The following PI4KB variants were observed in gnomAD, a reference collection of about 807,000 sequenced individuals.
PI4KB encodes PtdIns 4-kinase beta.
A neutral mutation model predicts 81.4 loss-of-function variants in PI4KB; 23 were observed. That is an observed-to-expected ratio of 0.28 (90% confidence interval 0.20 to 0.40). The LOEUF (loss-of-function observed/expected upper bound fraction) is 0.40, where lower values mean the gene tolerates loss of function less well. PI4KB is among the 10% of genes least tolerant of loss of function. The pLI is 1.00. For synonymous variants in PI4KB, 381 were observed against 406.8 expected (o/e 0.94, Z 0.76); for missense variants, 651 against 1,036.6 (o/e 0.63, Z 5.11).
intron 1 of PI4KB, among the ~76,000 whole-genome samples, chr1:151,323,492 G>A (rs1429192561): frequency 6.6e-6 from 1 of 151,612 alleles, no homozygotes; most frequent in Non-Finnish European, 1.5e-5. Context: ...GGAGGCCGGG[G>A]TGGGTGGATC....
Position 151,292,699 on chromosome 1 carries a change from G to A in PI4KB, c.*153C>T, listed in dbSNP as rs1043671425. The A allele has an allele frequency of 9.9e-6, 7 of 708,320 alleles. No individual in the cohort carries two copies. The highest frequency in any genetic ancestry group is 1.4e-5 in the Non-Finnish European group (6 of 435,590). 43.9% of individuals were successfully genotyped at this position (708,320 alleles called of 1,614,324 possible). ...CTCTCCCACCCCTCAGCAAGCTCTC[G>A]CAGTTACCACATGATCCTTCGTGTT... On this transcript the variant is annotated 3_prime_UTR_variant, in exon 12 of 12. Coordinates refer to ENST00000368873, the MANE Select transcript of PI4KB (RefSeq NM_001369623.2).
chr1:151,307,782 T>TCAGGAGCCA lies in PI4KB; in HGVS notation c.965_973dup (p.Pro324_Glu325insValAlaPro), dbSNP rs984158593. ...CATCAGGGACTTGATGAATTCTCTCTCAGGAGCCAGTCGAACAGGCTACAG... is the reference window on the plus strand; with the variant it reads ...CATCAGGGACTTGATGAATTCTCTCTCAGGAGCCACAGGAGCCAGTCGAACAGGCTACAG... On this transcript the variant is annotated inframe_insertion, in exon 4 of 12. Coordinates refer to ENST00000368873, the MANE Select transcript of PI4KB (RefSeq NM_001369623.2). 1 of 1,613,922 alleles carries TCAGGAGCCA rather than the reference T, an allele frequency of 6.2e-7. No homozygotes were observed. Among genetic ancestry groups the TCAGGAGCCA allele is most frequent in the African/African-American group, 1.3e-5 (1 of 74,990 alleles).
At chr1:151,294,163 T>C in intron 10 of PI4KB, 25 bp from the exon 11 acceptor site, 1 of 1,605,030 alleles carries the variant, frequency 6.2e-7, no homozygotes, top group Non-Finnish European at 8.5e-7. Flanking sequence ...GAGCGTTGTG[T>C]GCACAAGGGG....
intron 4 of PI4KB, 89 bp from the exon 5 acceptor site, chr1:151,306,452 C>T (rs1695766701): frequency 1.2e-6 from 1 of 800,366 alleles, no homozygotes; most frequent in Admixed American, 2.0e-5. Context: ...TCCTGCTGTC[C>T]TTTCTCCTAG....
At chr1:151,306,027 G>C (rs970135096) in intron 5 of PI4KB, 109 bp downstream of exon 5, 3 of 787,482 alleles carry the variant, frequency 3.8e-6, no homozygotes, top group Non-Finnish European at 4.2e-6. Context: ...CCACTCATTA[G>C]GATACTTGCC....
At chr1:151,314,462 C>G (rs587645862) in intron 2 of PI4KB, among the ~76,000 whole-genome samples, 2 of 152,176 alleles carry the variant, frequency 1.3e-5, no homozygotes, top group Non-Finnish European at 2.9e-5. Context: ...GTGGGTATAA[C>G]CTATTCATGT....
At chr1:151,295,263 C>G (rs1425545447) in intron 9 of PI4KB, among the ~76,000 whole-genome samples, 2 of 152,212 alleles carry the variant, frequency 1.3e-5, no homozygotes, top group Non-Finnish European at 2.9e-5. Flanking sequence ...AACTGGCCTA[C>G]TCAGTGTCAA....
intron 8 of PI4KB, among the ~76,000 whole-genome samples, chr1:151,300,454 A>G (rs587652239): frequency 2.0e-5 from 3 of 152,194 alleles, no homozygotes; most frequent in African/African-American, 7.2e-5. Context: ...TAAAAATACA[A>G]AATTAGCCGG....
chr1:151,306,039 T>C lies in PI4KB; in HGVS notation c.1410+97A>G, dbSNP rs1337529671. 6 of 974,434 alleles carry C rather than the reference T, an allele frequency of 6.2e-6. No individual in the cohort carries two copies. In the East Asian group the frequency reaches 1.2e-4, roughly 20 times the overall value. The allele number at this position is 974,434 out of a possible 1,614,324, so 60.4% of individuals were successfully genotyped here. On this transcript the variant is annotated intron_variant, in intron 5 of 11. Coordinates refer to ENST00000368873, the MANE Select transcript of PI4KB (RefSeq NM_001369623.2). ...ACACCACTCATTAGGATACTTGCCT[T>C]ACCCTGCCTTGGGATATGCTGTCTT...
At chr1:151,294,369 T>G (rs377169682) in intron 10 of PI4KB, 40 bp downstream of exon 10, 21 of 1,605,678 alleles carry the variant, frequency 1.3e-5, no homozygotes, top group Non-Finnish European at 3.4e-6. Flanking sequence ...AGAGAAAGAA[T>G]ACAATGACCC....
chr1:151,313,762 A>C (rs1274697119), intron 2 of PI4KB, among the ~76,000 whole-genome samples: 1 of 152,278 alleles, frequency 6.6e-6, no homozygotes, highest in Non-Finnish European at 1.5e-5. Context: ...GTGGAAGCTC[A>C]GATGGCCATA....
At chr1:151,293,814 T>C in intron 11 of PI4KB, 1 of 555,200 alleles carries the variant, frequency 1.8e-6, no homozygotes, top group Non-Finnish European at 3.1e-6. Flanking sequence ...TGCTATCCCC[T>C]TCCCCAGCCT....
chr1:151,319,046 C>T (rs1477818145), intron 1 of PI4KB, among the ~76,000 whole-genome samples: 2 of 152,228 alleles, frequency 1.3e-5, no homozygotes, highest in African/African-American at 4.8e-5. Context: ...AAATGTGCAA[C>T]TTATGCAAGC....
At chr1:151,313,130 C>T (rs1024811861) in intron 2 of PI4KB, among the ~76,000 whole-genome samples, 5 of 152,194 alleles carry the variant, frequency 3.3e-5, no homozygotes, top group African/African-American at 1.2e-4. Flanking sequence ...GCTGACGACT[C>T]TAATGCTTAG....
At chr1:151,309,382 G>T (rs892685663) in intron 3 of PI4KB, among the ~76,000 whole-genome samples, 3 of 152,116 alleles carry the variant, frequency 2.0e-5, no homozygotes, top group Admixed American at 6.5e-5. Flanking sequence ...CAGGCCTCAA[G>T]AGAGAGGCTC....
intron 11 of PI4KB, chr1:151,293,242 G>C: frequency 1.0e-6 from 1 of 985,334 alleles, no homozygotes; most frequent in South Asian, 4.7e-5. Flanking sequence ...GTAGGTGAGG[G>C]CATGTGGGCA....
At position 151,315,624 on chromosome 1, in the gene PI4KB, G is replaced by A; in HGVS notation, c.858C>T (p.Ser286=). The A allele has an allele frequency of 6.2e-7, 1 of 1,614,116 alleles. No homozygotes were observed. The highest frequency in any genetic ancestry group is 8.5e-7 in the Non-Finnish European group (1 of 1,180,024). ...TGCTGGCTGTTCGTTTCAGGTTGCT[G>A]CTGAGACTTATGCTGGCAGTGGCAT... The part of the protein sequence containing the change: ...KSDATASISL[S]SNLKRTASNP... Residue 286 remains serine, a synonymous_variant, in exon 2 of 12, where the codon AGC becomes AGT. Transcript: ENST00000368873.
Position 151,318,144 on chromosome 1 carries a change from C to T in PI4KB, c.-28-1635G>A, listed in dbSNP as rs563871709. Reference sequence around the variant, plus strand: ...ATTTAATATTAAAGTCTTGGCTAGGCGCAGTGGCTCACGCCTGTAATCCCA... The same window carrying T: ...ATTTAATATTAAAGTCTTGGCTAGGTGCAGTGGCTCACGCCTGTAATCCCA... On this transcript the variant is annotated intron_variant, in intron 1 of 11. Coordinates refer to ENST00000368873, the MANE Select transcript of PI4KB (RefSeq NM_001369623.2). Among the ~76,000 whole-genome samples the T allele has an allele frequency of 5.7e-3, 872 of 152,244 alleles. 8 individuals carry two copies. The highest frequency in any genetic ancestry group is 8.6e-3 in the Non-Finnish European group (586 of 68,006).
At chr1:151,295,353 A>G (rs1694699369) in intron 9 of PI4KB, among the ~76,000 whole-genome samples, 1 of 152,174 alleles carries the variant, frequency 6.6e-6, no homozygotes, top group South Asian at 2.1e-4. Flanking sequence ...AGGAGGGACA[A>G]AAGGAGAACC....
Sources: gnomAD v4.1 joint callset for allele counts (sites outside exome capture counted in the v4.1 genomes callset) on GRCh38, gnomAD v4.1.1 for gene constraint, MANE v1.5 for transcripts, NCBI Gene and HGNC (gene_info 2026-07-23, HGNC 2026-07-21) for gene names.